COL1A2: variants seen among roughly 807,000 people sequenced by gnomAD.
COL1A2 encodes the protein collagen type I alpha 2 chain.
In COL1A2, 49 loss-of-function variants were observed where a neutral mutation model predicts 174.3. That is an observed-to-expected ratio of 0.28 (90% CI 0.22 to 0.36). The LOEUF (loss-of-function observed/expected upper bound fraction) is 0.36, where lower values mean the gene tolerates loss of function less well. COL1A2 is among the 10% of genes least tolerant of loss of function. The pLI is 1.00. For synonymous variants in COL1A2, 655 were observed against 606.6 expected (o/e 1.08, Z -1.17); for missense variants, 1,438 against 1,822.7 (o/e 0.79, Z 3.84).
At chr7:94,395,468 G>A (rs1332809012) in intron 1 of COL1A2, 1 of 356,082 alleles carries the variant, frequency 2.8e-6, no homozygotes, top group African/African-American at 2.1e-5. Flanking sequence ...CCCCATAACC[G>A]CACTGATGTC....
At chr7:94,427,127 G>C (rs1376132327) in intron 47 of COL1A2, 61 bp from the exon 48 acceptor site, 2 of 1,610,522 alleles carry the variant, frequency 1.2e-6, no homozygotes, top group Non-Finnish European at 1.7e-6. Flanking sequence ...GTGAGCCCCA[G>C]GCTGCTGCTC....
intron 13 of COL1A2, 67 bp downstream of exon 13, chr7:94,407,958 T>C: frequency 6.9e-7 from 1 of 1,449,514 alleles, no homozygotes; most frequent in Non-Finnish European, 9.7e-7. Flanking sequence ...ACTTCTTTAA[T>C]GTTTTTGCTA....
At chr7:94,429,531 AC>A in intron 51 of COL1A2, 101 bp downstream of exon 51, 1 of 1,277,684 alleles carries the variant, frequency 7.8e-7, no homozygotes, top group African/African-American at 1.5e-5. Context: ...GGTTAAAAGA[AC>A]AGAAGAATGA....
chr7:94,413,774 T>C, intron 27 of COL1A2, 31 bp downstream of exon 27: 6 of 1,611,350 alleles, frequency 3.7e-6, no homozygotes, highest in Non-Finnish European at 5.1e-6. Context: ...TGTGCTCTTC[T>C]GCACTAGAAT....
chr7:94,419,243 G>T (rs1792102423), intron 33 of COL1A2, among the ~76,000 whole-genome samples: 2 of 151,456 alleles, frequency 1.3e-5, no homozygotes, highest in Admixed American at 6.6e-5. Flanking sequence ...GGAAAGTTCA[G>T]ATCTCCCAAA....
At chr7:94,411,832 C>G (rs1791934313) in intron 23 of COL1A2, among the ~76,000 whole-genome samples, 1 of 152,068 alleles carries the variant, frequency 6.6e-6, no homozygotes, top group South Asian at 2.1e-4. Flanking sequence ...CTTGAGATAT[C>G]TATAAAAGGA....
chr7:94,427,599 C>A (rs1218196466), intron 48 of COL1A2, 28 bp from the exon 49 acceptor site: 1 of 1,613,686 alleles, frequency 6.2e-7, no homozygotes, highest in Admixed American at 1.7e-5. Context: ...AATATAAAGC[C>A]TCTCCTATCT....
intron 16 of COL1A2, 49 bp from the exon 17 acceptor site, chr7:94,409,273 C>T: frequency 6.7e-7 from 1 of 1,488,692 alleles, no homozygotes; most frequent in Non-Finnish European, 9.4e-7. Flanking sequence ...AACAGATATG[C>T]TGTTTCATTA....
rs768670312 is a variant in COL1A2, at chr7:94,424,325, T to TC, written c.2566-10dup. On this transcript the variant is annotated splice_polypyrimidine_tract_variant and intron_variant, in intron 40 of 51. Coordinates refer to ENST00000297268, the MANE Select transcript of COL1A2 (RefSeq NM_000089.4). ...CTTACCCATAATACTCAGTATTTTT[T>TC]CTCTATTTAGGGACCTCCTGGCACT... 3.7e-6 allele frequency: 6 copies of TC among 1,611,820 alleles called. No individual in the cohort carries two copies. Among genetic ancestry groups the TC allele is most frequent in the Non-Finnish European group, 4.2e-6 (5 of 1,177,972 alleles).
intron 32 of COL1A2, among the ~76,000 whole-genome samples, 163 bp from the exon 33 acceptor site, chr7:94,418,336 G>A (rs942462613): frequency 1.3e-5 from 2 of 151,990 alleles, no homozygotes; most frequent in Non-Finnish European, 2.9e-5. Context: ...TATTTTTCTC[G>A]ATTAACATTC....
chr7:94,408,317 C>T lies in COL1A2; in HGVS notation c.694-19C>T, dbSNP rs758082806. On this transcript the variant is annotated intron_variant, in intron 14 of 51. Coordinates refer to ENST00000297268, the MANE Select transcript of COL1A2 (RefSeq NM_000089.4). ...GTCATTTAAGTTTCCACCTGATCTTCCCTTTATTTTCTTCTTAGGGTGCCC... is the reference window on the plus strand; with the variant it reads ...GTCATTTAAGTTTCCACCTGATCTTTCCTTTATTTTCTTCTTAGGGTGCCC... 45 of 1,613,868 alleles carry T rather than the reference C, an allele frequency of 2.8e-5. No individual in the cohort carries two copies. Among genetic ancestry groups the T allele is most frequent in the Admixed American group, 8.3e-5 (5 of 60,000 alleles).
At chr7:94,403,013 G>A (rs2299418) in intron 6 of COL1A2, among the ~76,000 whole-genome samples, 21,928 of 152,000 alleles carry the variant, frequency 0.14, 2,139 homozygotes, top group East Asian at 0.26. Context: ...GTTTCTTTTG[G>A]CTTTGTTTAT....
At chr7:94,413,203 A>G in intron 26 of COL1A2, 67 bp downstream of exon 26, 1 of 1,320,274 alleles carries the variant, frequency 7.6e-7, no homozygotes, top group Non-Finnish European at 1.1e-6. Flanking sequence ...TTTTTTTTTT[A>G]CACCATCTGA....
At position 94,424,432 on chromosome 7, in the gene COL1A2, G is replaced by A. The variant is rs1429236167; in HGVS notation, c.2662G>A (p.Ala888Thr). The A allele has an allele frequency of 1.9e-6, 3 of 1,613,972 alleles. No homozygotes were observed. In the South Asian group the frequency reaches 3.3e-5, roughly 18 times the overall value. The change falls in exon 41 of 52, where the codon GCT (alanine) becomes ACT (threonine). Residue 888 changes from alanine to threonine, a missense_variant. Ala to Thr is a moderately conservative substitution (Grantham distance 58). Coordinates refer to ENST00000297268, the MANE Select transcript of COL1A2 (RefSeq NM_000089.4). ...AGGTGAACGTGGTCTACCAGGTGTTGCTGGTGCTGTGGTGAGTGCTTGACA... is the reference window on the plus strand; with the variant it reads ...AGGTGAACGTGGTCTACCAGGTGTTACTGGTGCTGTGGTGAGTGCTTGACA... ...SRGERGLPGV[A>T]GAVGEPGPLG...
rs1278805356 is a variant in COL1A2, at chr7:94,425,885, T to C, written c.2943+28T>C. 3 of 1,606,374 alleles carry C rather than the reference T, an allele frequency of 1.9e-6. No homozygotes were observed. In the African/African-American group the frequency reaches 4.0e-5, roughly 21 times the overall value. ...AAGTTTGTGAATACCAGTCCCTCAG[T>C]GCAGCATTCTCGTGGGCTTCACTTC... On this transcript the variant is annotated intron_variant, in intron 44 of 51. Transcript: ENST00000297268.
chr7:94,429,452 G>A, intron 51 of COL1A2, 22 bp downstream of exon 51: 1 of 1,613,090 alleles, frequency 6.2e-7, no homozygotes, highest in Non-Finnish European at 8.5e-7. Flanking sequence ...TGAAATATGG[G>A]AATAGCTTTG....
intron 39 of COL1A2, chr7:94,422,692 A>G: frequency 2.1e-6 from 1 of 476,004 alleles, no homozygotes; most frequent in Non-Finnish European, 3.8e-6. Context: ...CCAGGGTACC[A>G]GTGGCATGAC....
At position 94,425,111 on chromosome 7, in the gene COL1A2, G is replaced by C. The variant is rs771442891; in HGVS notation, c.2674-6G>C. ...GAATGTCATTTTATCTTCTCTGCCTGTTTAGGGTGAACCTGGTCCTCTTGG... is the reference window on the plus strand; with the variant it reads ...GAATGTCATTTTATCTTCTCTGCCTCTTTAGGGTGAACCTGGTCCTCTTGG... On this transcript the variant is annotated splice_polypyrimidine_tract_variant and splice_region_variant and intron_variant, in intron 41 of 51. Transcript: ENST00000297268. The C allele has an allele frequency of 5.6e-6, 9 of 1,613,514 alleles. No homozygotes were observed. The highest frequency in any genetic ancestry group is 6.8e-6 in the Non-Finnish European group (8 of 1,179,478).
rs754443174 is a variant in COL1A2, at chr7:94,418,551, G to T, written c.2024G>T (p.Arg675Leu). 6.2e-7 allele frequency: 1 copy of T among 1,613,064 alleles called. No individual in the cohort carries two copies. Among genetic ancestry groups the T allele is most frequent in the Admixed American group, 1.7e-5 (1 of 59,900 alleles). Residue 675 changes from arginine (R) to leucine (L), a missense_variant and splice_region_variant, in exon 33 of 52, where the codon CGT becomes CTT. Physicochemically the swap from Arg to Leu is moderately radical, Grantham distance 102. Transcript: ENST00000297268. ...GGTAACCCTGGCAGAGATGGTGCTC[G>T]TGTGAGTAGAATTTTGTTTGTATGT... ...EIGNPGRDGARGAPGAVGAPG... is the reference protein window; with the variant it reads ...EIGNPGRDGALGAPGAVGAPG...
Sources: allele counts gnomAD v4.1 joint callset (sites outside exome capture counted in the v4.1 genomes callset), GRCh38; gene constraint gnomAD v4.1.1; transcripts MANE v1.5; gene names NCBI Gene and HGNC (gene_info 2026-07-23, HGNC 2026-07-21).